The following CCDC73 variants were observed in gnomAD, a reference collection of about 807,000 sequenced individuals.
The protein encoded by CCDC73 is coiled-coil domain containing 73, also known as coiled-coil domain-containing protein 73.
CCDC73 carries 95 observed loss-of-function variants against 116.5 expected under a neutral mutation model. The ratio of observed to expected loss-of-function variants is 0.82; its 90% CI spans 0.69 to 0.97. CCDC73 has a LOEUF of 0.97. Among genes scored for constraint, CCDC73 ranks in the 50% least tolerant of loss-of-function variants. CCDC73 has a pLI of 0.00. For synonymous variants in CCDC73, 398 were observed against 401.3 expected (o/e 0.99, Z 0.10); for missense variants, 1,066 against 1,206.8 (o/e 0.88, Z 1.73).
At chr11:32,670,013 A>G (rs551378559) in intron 9 of CCDC73, among the ~76,000 whole-genome samples, 247 of 152,288 alleles carry the variant, frequency 1.6e-3, no homozygotes, top group African/African-American at 5.7e-3. Flanking sequence ...CTACTTTTTA[A>G]AAAAGATACT....
At chr11:32,762,413 A>G (rs1850400087) in intron 1 of CCDC73, among the ~76,000 whole-genome samples, 1 of 152,178 alleles carries the variant, frequency 6.6e-6, no homozygotes, top group South Asian at 2.1e-4. Context: ...AAATTAAACT[A>G]TAGCTCTTAT....
chr11:32,786,380 A>G (rs1294855548), intron 1 of CCDC73, among the ~76,000 whole-genome samples: 1 of 92,758 alleles, frequency 1.1e-5, no homozygotes, highest in Non-Finnish European at 2.5e-5. Context: ...TAATAAATAT[A>G]TTATTTATAT....
At position 32,696,858 on chromosome 11, in the gene CCDC73, AT is replaced by A. The variant is rs562273835; in HGVS notation, c.390+2392del. Among the ~76,000 whole-genome samples, 858 of 140,854 alleles carry A rather than the reference AT, an allele frequency of 6.1e-3. 2 individuals carry two copies. Among genetic ancestry groups the A allele is most frequent in the South Asian group, 6.9e-3 (30 of 4,366 alleles). 92.4% of individuals were successfully genotyped at this position (140,854 alleles called of 152,430 possible). On this transcript the variant is annotated intron_variant, in intron 6 of 17. Transcript: ENST00000335185. ...TTTTTTGTTGATAAAAAACACAAGG[AT>A]TTTTTTTTTTTTTTTGAAACAGTGT...
chr11:32,683,667 A>T (rs1856168666), intron 6 of CCDC73, 93 bp from the exon 7 acceptor site: 2 of 728,958 alleles, frequency 2.7e-6, no homozygotes, highest in African/African-American at 3.5e-5. Context: ...AAAATGTGGC[A>T]TGTATCTTCT....
chr11:32,642,093 A>G lies in CCDC73; in HGVS notation c.940-11T>C. On this transcript the variant is annotated splice_polypyrimidine_tract_variant and intron_variant, in intron 12 of 17. Coordinates refer to ENST00000335185, the MANE Select transcript of CCDC73 (RefSeq NM_001008391.4). ...ATCTCTTTCAAGGGTCTGCAATAAA[A>G]TTAATTATCCAAAAAATAATCAATA... is the stretch of plus-strand genomic sequence containing the variant. 6.6e-7 allele frequency: 1 copy of G among 1,517,050 alleles called. No homozygotes were observed. Among genetic ancestry groups the G allele is most frequent in the Non-Finnish European group, 8.8e-7 (1 of 1,135,470 alleles). The allele number at this position is 1,517,050 out of a possible 1,614,324, so 94.0% of individuals were successfully genotyped here. A position where few individuals can be genotyped will look rare whatever the true frequency, so the allele number is the denominator to read the frequency against.
chr11:32,824,950 T>C, the CCDC73 span, among the ~76,000 whole-genome samples: 1 of 152,074 alleles, frequency 6.6e-6, no homozygotes, highest in Non-Finnish European at 1.5e-5. Flanking sequence ...CCAGGCATGA[T>C]GGCATGTGCC....
chr11:32,632,527 G>A (rs1445267188), intron 14 of CCDC73, among the ~76,000 whole-genome samples: 1 of 152,130 alleles, frequency 6.6e-6, no homozygotes, highest in African/African-American at 2.4e-5. Context: ...TGCCCGGCCG[G>A]TTGGTGGAAT....
chr11:32,815,092 T>C, the CCDC73 span, among the ~76,000 whole-genome samples: 2 of 152,164 alleles, frequency 1.3e-5, no homozygotes, highest in South Asian at 4.1e-4. Context: ...GACAAAAATG[T>C]TCCGGAATGA....
At chr11:32,694,141 G>A (rs1856287808) in intron 6 of CCDC73, among the ~76,000 whole-genome samples, 1 of 152,160 alleles carries the variant, frequency 6.6e-6, no homozygotes, top group African/African-American at 2.4e-5. Flanking sequence ...GTTTCCAGAT[G>A]ACATGATTGT....
intron 2 of CCDC73, among the ~76,000 whole-genome samples, chr11:32,754,437 T>A (rs1027448280): frequency 6.6e-6 from 1 of 152,120 alleles, no homozygotes; most frequent in Non-Finnish European, 1.5e-5. Context: ...CAATATGCTG[T>A]CTATTTGGGG....
chr11:32,654,600 C>T (rs189787527), intron 10 of CCDC73, among the ~76,000 whole-genome samples: 2 of 152,224 alleles, frequency 1.3e-5, no homozygotes, highest in South Asian at 2.1e-4. Flanking sequence ...CCAAAGCTGT[C>T]CTGGAGATAC....
intron 12 of CCDC73, among the ~76,000 whole-genome samples, chr11:32,651,090 C>A (rs10835955): frequency 0.1 from 15,412 of 152,166 alleles, 1,049 homozygotes; most frequent in Non-Finnish European, 0.15. Flanking sequence ...GAGCCACCAG[C>A]TACCAGGTTC....
At position 32,741,214 on chromosome 11, in the gene CCDC73, G is replaced by A. The variant is rs555298723; in HGVS notation, c.135+18895C>T. On this transcript the variant is annotated intron_variant, in intron 2 of 17. Transcript: ENST00000335185. ...TGGTCTACAGTACAGATTAAGTCCA[G>A]TGTCTCTTTGTTGACTTTCTGTCTG... Among the ~76,000 whole-genome samples, 10 of 151,938 alleles carry A rather than the reference G, an allele frequency of 6.6e-5. No individual in the cohort carries two copies. In the East Asian group the frequency reaches 2.0e-3, roughly 31 times the overall value.
At chr11:32,719,046 T>TA (rs1213636650) in intron 2 of CCDC73, among the ~76,000 whole-genome samples, 1 of 152,074 alleles carries the variant, frequency 6.6e-6, no homozygotes, top group East Asian at 1.9e-4. Flanking sequence ...AACAAGGAGA[T>TA]ACAGCAAGGA....
chr11:32,661,771 T>C (rs1855929832), intron 9 of CCDC73, among the ~76,000 whole-genome samples: 2 of 151,778 alleles, frequency 1.3e-5, no homozygotes, highest in Non-Finnish European at 1.5e-5. Flanking sequence ...GCCATGTTGG[T>C]GTGCTGCACC....
chr11:32,623,484 G>A (rs1278209747), intron 14 of CCDC73, among the ~76,000 whole-genome samples: 2 of 152,088 alleles, frequency 1.3e-5, no homozygotes, highest in Non-Finnish European at 2.9e-5. Flanking sequence ...CCTAGTAGCT[G>A]GGACCACCAG....
At chr11:32,690,971 C>G (rs1287413772) in intron 6 of CCDC73, among the ~76,000 whole-genome samples, 2 of 151,942 alleles carry the variant, frequency 1.3e-5, no homozygotes, top group East Asian at 3.9e-4. Context: ...GACTATCATA[C>G]AGAGTATTTT....
upstream of CCDC73, among the ~76,000 whole-genome samples, chr11:32,795,286 T>C (rs992646486): frequency 2.6e-5 from 4 of 151,788 alleles, no homozygotes; most frequent in African/African-American, 7.3e-5. Flanking sequence ...CTAGGCAACA[T>C]GGTGAGACCC....
In CCDC73 at chr11:32,631,895, G is replaced by T. The variant is rs114271812; in HGVS notation, c.1185+3801C>A. ...AGGCAGATAGACAGACAGACACAGA[G>T]ATATATACATGGGATTTTGCTATGT... On this transcript the variant is annotated intron_variant, in intron 14 of 17. Coordinates refer to ENST00000335185, the MANE Select transcript of CCDC73 (RefSeq NM_001008391.4). Among the ~76,000 whole-genome samples the T allele has an allele frequency of 7.2e-3, 1,088 of 152,044 alleles. 17 individuals carry two copies. The highest frequency in any genetic ancestry group is 0.025 in the African/African-American group (1,049 of 41,502).
Sources: gnomAD v4.1 joint callset for allele counts (sites outside exome capture counted in the v4.1 genomes callset) on GRCh38, gnomAD v4.1.1 for gene constraint, MANE v1.5 for transcripts, NCBI Gene and HGNC (gene_info 2026-07-23, HGNC 2026-07-21) for gene names.